Variants in PDE10A observed in about 807,000 individuals in gnomAD.
The protein encoded by PDE10A is cAMP and cAMP-inhibited cGMP 3',5'-cyclic phosphodiesterase 10A.
In PDE10A, 39 loss-of-function variants were observed where a neutral mutation model predicts 97.7. The observed-to-expected ratio is 0.40, with a 90% CI of 0.31 to 0.52. PDE10A has a LOEUF of 0.52. Among genes scored for constraint, PDE10A ranks in the 20% least tolerant of loss-of-function variants. PDE10A has a pLI of 0.56. For synonymous variants in PDE10A, 371 were observed against 376.8 expected (o/e 0.98, Z 0.18); for missense variants, 731 against 1,047.8 (o/e 0.70, Z 4.17).
intron 1 of PDE10A, among the ~76,000 whole-genome samples, chr6:165,569,444 T>C (rs182568140): frequency 6.6e-6 from 1 of 152,342 alleles, no homozygotes; most frequent in Admixed American, 6.5e-5. Flanking sequence ...TTCCAACCTT[T>C]CCAATGTGCT....
At position 165,654,826 on chromosome 6, in the gene PDE10A, C is replaced by T. The variant is rs568000059; in HGVS notation, c.865+7121G>A. ...GCTGGAACTCACCTGCTCTCTGGAG[C>T]ATCTGGCTTCTTCCCTCTTGAGGCT... On this transcript the variant is annotated intron_variant, in intron 1 of 21. Transcript: ENST00000539869. 2.6e-5 allele frequency among the ~76,000 whole-genome samples: 4 copies of T among 152,314 alleles called. No homozygotes were observed. In the South Asian group the frequency reaches 8.3e-4, roughly 32 times the overall value.
chr6:165,543,335 T>C, intron 2 of PDE10A, 105 bp downstream of exon 2: 1 of 819,220 alleles, frequency 1.2e-6, no homozygotes, highest in Non-Finnish European at 1.8e-6. Context: ...ACAGTGTTAA[T>C]ATTTGTCTAC....
chr6:165,681,381 T>C (rs1790973054), intron 1 of PDE10A, among the ~76,000 whole-genome samples: 1 of 151,004 alleles, frequency 6.6e-6, no homozygotes, highest in Non-Finnish European at 1.5e-5. Context: ...ACCTCAATAA[T>C]TGTCTTGGGA....
At chr6:165,430,086 C>A (rs1789445252) in intron 9 of PDE10A, among the ~76,000 whole-genome samples, 1 of 152,024 alleles carries the variant, frequency 6.6e-6, no homozygotes, top group South Asian at 2.1e-4. Context: ...ACATATATAT[C>A]TGCAATCCTT....
chr6:165,768,369 GAT>G (rs887606063), intron 1 of PDE10A, among the ~76,000 whole-genome samples: 1 of 152,036 alleles, frequency 6.6e-6, no homozygotes, highest in Non-Finnish European at 1.5e-5. Flanking sequence ...AGGTCCTGAA[GAT>G]ATACACATAG....
intron 1 of PDE10A, among the ~76,000 whole-genome samples, chr6:165,563,888 C>CAA (rs36101210): frequency 2.0e-4 from 23 of 112,308 alleles, no homozygotes; most frequent in African/African-American, 6.4e-4. Flanking sequence ...GAGACTGTCT[C>CAA]AAAAAAAAAA....
chr6:165,668,207 T>G (rs1435580480), upstream of PDE10A, among the ~76,000 whole-genome samples: 1 of 152,204 alleles, frequency 6.6e-6, no homozygotes, highest in East Asian at 1.9e-4. Flanking sequence ...GTTTAAAGCT[T>G]TTAAATAGAA....
At chr6:165,596,291 C>A (rs1448634913) in intron 1 of PDE10A, among the ~76,000 whole-genome samples, 1 of 152,230 alleles carries the variant, frequency 6.6e-6, no homozygotes, top group Non-Finnish European at 1.5e-5. Flanking sequence ...CACCACGGCC[C>A]CAGCCACCAC....
At chr6:165,645,534 C>T (rs1355291740) in intron 1 of PDE10A, among the ~76,000 whole-genome samples, 1 of 152,070 alleles carries the variant, frequency 6.6e-6, no homozygotes, top group African/African-American at 2.4e-5. Flanking sequence ...AAAACCTACA[C>T]AGTTGTTGAC....
intron 1 of PDE10A, among the ~76,000 whole-genome samples, chr6:165,618,926 C>A (rs560922447): frequency 6.7e-6 from 1 of 148,768 alleles, no homozygotes; most frequent in South Asian, 2.1e-4. Context: ...ATGAGAGAAG[C>A]GTGTAGTCTA....
intron 1 of PDE10A, among the ~76,000 whole-genome samples, chr6:165,982,209 C>T (rs1430311215): frequency 1.3e-5 from 2 of 152,152 alleles, no homozygotes; most frequent in Non-Finnish European, 1.5e-5. Context: ...ATTGAAGGAA[C>T]GCGTGAGTCG....
chr6:165,578,003 C>T (rs547805115), intron 1 of PDE10A, among the ~76,000 whole-genome samples: 1 of 152,212 alleles, frequency 6.6e-6, no homozygotes, highest in Admixed American at 6.5e-5. Flanking sequence ...GGCGTCTGCT[C>T]GCCCTGACTA....
intron 2 of PDE10A, among the ~76,000 whole-genome samples, chr6:165,536,307 A>G (rs1375226311): frequency 6.6e-6 from 1 of 151,968 alleles, no homozygotes; most frequent in Non-Finnish European, 1.5e-5. Flanking sequence ...CTTATACATA[A>G]ATCAAAATGG....
chr6:165,526,315 G>T (rs1193657034), intron 2 of PDE10A, among the ~76,000 whole-genome samples: 1 of 152,104 alleles, frequency 6.6e-6, no homozygotes, highest in Non-Finnish European at 1.5e-5. Flanking sequence ...CTTACATTGG[G>T]TCTAGTGGGT....
At chr6:165,747,501 C>T (rs112062953) in intron 1 of PDE10A, among the ~76,000 whole-genome samples, 6 of 152,188 alleles carry the variant, frequency 3.9e-5, no homozygotes, top group African/African-American at 1.4e-4. Flanking sequence ...GATAACATCA[C>T]ATTGCTAGTT....
chr6:165,875,094 G>A (rs1314429089), intron 1 of PDE10A, among the ~76,000 whole-genome samples: 2 of 152,122 alleles, frequency 1.3e-5, no homozygotes, highest in Non-Finnish European at 2.9e-5. Context: ...AAGGTTTGGG[G>A]GATTGTTGGT....
At chr6:165,387,074 A>G (rs985949772) in intron 17 of PDE10A, among the ~76,000 whole-genome samples, 8 of 152,132 alleles carry the variant, frequency 5.3e-5, no homozygotes, top group Non-Finnish European at 8.8e-5. Flanking sequence ...CTATGTAAAC[A>G]TATGTCATTT....
At chr6:165,920,498 A>G (rs1197300662) in intron 1 of PDE10A, among the ~76,000 whole-genome samples, 2 of 152,112 alleles carry the variant, frequency 1.3e-5, no homozygotes, top group African/African-American at 4.8e-5. Context: ...TGTGGCATAA[A>G]TACTTTGAGT....
chr6:165,741,143 G>T (rs955840215), intron 1 of PDE10A, among the ~76,000 whole-genome samples: 1 of 152,010 alleles, frequency 6.6e-6, no homozygotes, highest in African/African-American at 2.4e-5. Flanking sequence ...CCTACAAAAA[G>T]GTAACTATAT....
Sources: allele counts gnomAD v4.1 joint callset (sites outside exome capture counted in the v4.1 genomes callset), GRCh38; gene constraint gnomAD v4.1.1; transcripts MANE v1.5; gene names NCBI Gene and HGNC (gene_info 2026-07-23, HGNC 2026-07-21).